Variants in NSD1 observed in about 807,000 individuals in gnomAD.
NSD1 encodes nuclear receptor binding SET domain protein 1, also known as histone-lysine N-methyltransferase, H3 lysine-36 specific.
In NSD1, 26 loss-of-function variants were observed where a neutral mutation model predicts 242.7. The ratio of observed to expected loss-of-function variants is 0.11; its 90% CI spans 0.08 to 0.15. The LOEUF (loss-of-function observed/expected upper bound fraction) is 0.15. Ranked by LOEUF, NSD1 falls within the 10% of genes least tolerant of loss-of-function variation. The pLI is 1.00. For missense variants in NSD1, 2,495 were observed against 3,272.8 expected, an observed-to-expected ratio of 0.76 and a Z score of 5.80; for synonymous variants, 1,106 against 1,178.1, an observed-to-expected ratio of 0.94 and a Z score of 1.25.
chr5:177,193,765 T>G (rs572256717), intron 3 of NSD1, among the ~76,000 whole-genome samples: 26 of 152,176 alleles, frequency 1.7e-4, no homozygotes, highest in African/African-American at 5.5e-4. Context: ...GATATTAATT[T>G]TTGTTGTTGT....
chr5:177,240,793 G>T, intron 8 of NSD1, among the ~76,000 whole-genome samples: 1 of 152,168 alleles, frequency 6.6e-6, no homozygotes, highest in South Asian at 2.1e-4. Context: ...GATTGCTTAA[G>T]CTCAGGAGCT....
Position 177,239,754 on chromosome 5 carries a change from A to G in NSD1, c.4193-2A>G. Reference sequence around the variant, plus strand: ...TCTAATGTAAAGATACATGCATTTCAGGAAATTATGAAAGTAAACGTCAAA... The same window carrying G: ...TCTAATGTAAAGATACATGCATTTCGGGAAATTATGAAAGTAAACGTCAAA... On this transcript the variant is annotated splice_acceptor_variant, in intron 7 of 22. Coordinates refer to ENST00000439151, the MANE Select transcript of NSD1 (RefSeq NM_022455.5). LOFTEE classifies it high-confidence loss of function. 6.4e-7 allele frequency: 1 copy of G among 1,566,732 alleles called. No individual in the cohort carries two copies. Among genetic ancestry groups the G allele is most frequent in the Non-Finnish European group, 8.8e-7 (1 of 1,137,470 alleles).
chr5:177,283,837 T>C lies in NSD1; in HGVS notation c.6060T>C (p.Asn2020=). ...GPKGNYARFM[N]HCCQPNCETQ... is the part of the protein sequence containing the mutation. ...AAGGAAACTATGCTCGGTTCATGAA[T>C]CATTGCTGCCAGCCCAACTGTGAAA... Residue 2020 remains asparagine, a synonymous_variant, in exon 20 of 23, where the codon AAT becomes AAC. Coordinates refer to ENST00000439151, the MANE Select transcript of NSD1 (RefSeq NM_022455.5). 1.9e-6 allele frequency: 3 copies of C among 1,614,192 alleles called. No homozygotes were observed. The highest frequency in any genetic ancestry group is 1.7e-6 in the Non-Finnish European group (2 of 1,180,022).
chr5:177,209,807 C>G lies in NSD1; in HGVS notation c.1408C>G (p.Leu470Val), dbSNP rs772662450. The stretch of plus-strand genomic sequence containing the variant: ...AAATGATCCTGAGTCAGAACATGAC[C>G]TGTTGCTTAATGGCTGTTTGAAATC... ...CTNDPESEHDLLLNGCLKSLA... is the reference protein window; with the variant it reads ...CTNDPESEHDVLLNGCLKSLA... Residue 470 changes from leucine to valine, a missense_variant, in exon 5 of 23, where the codon CTG becomes GTG. Leu to Val is a conservative substitution (Grantham distance 32). This residue lies in a region of NSD1 where 515 missense variants were observed against 467.0 expected (regional missense o/e 1.10). Transcript: ENST00000439151. The G allele has an allele frequency of 2.5e-6, 4 of 1,614,120 alleles. No homozygotes were observed. In the South Asian group the frequency reaches 4.4e-5, roughly 18 times the overall value.
In NSD1 at chr5:177,269,602, G is replaced by A; in HGVS notation, c.5304G>A (p.Arg1768=). Residue 1768 remains arginine (R), a splice_region_variant and synonymous_variant, in exon 16 of 23, where the codon AGG becomes AGA. Transcript: ENST00000439151. The surrounding 1 kb of genome is among the most constrained non-coding windows in gnomAD (Gnocchi z 5.1). ...TCCTTCTCCTTTTCACCTTTCCCAG[G>A]TGGTGGCCAGCTGAGATCTGCCATC... The part of the protein sequence containing the change: ...EIVWVKVGRY[R]WWPAEICHPR... 6.2e-7 allele frequency: 1 copy of A among 1,613,982 alleles called. No homozygotes were observed. The highest frequency in any genetic ancestry group is 8.5e-7 in the Non-Finnish European group (1 of 1,179,968).
chr5:177,216,386 CT>C (rs1360024924), intron 5 of NSD1, among the ~76,000 whole-genome samples: 5 of 151,578 alleles, frequency 3.3e-5, no homozygotes, highest in Non-Finnish European at 7.4e-5. Flanking sequence ...TGCTTTGGGT[CT>C]CATAGCCAGG....
chr5:177,212,038 A>G lies in NSD1; in HGVS notation c.3639A>G (p.Ile1213Met), dbSNP rs1425698482. 7 of 1,614,100 alleles carry G rather than the reference A, an allele frequency of 4.3e-6. No individual in the cohort carries two copies. The South Asian group carries it at 4.4e-5, about 10-fold the overall frequency. ...FPEHRTPSASILEEPLTEQNH... is the reference protein window; with the variant it reads ...FPEHRTPSASMLEEPLTEQNH... ...AGCATAGAACTCCTTCAGCAAGCAT[A>G]CTTGAGGAACCACTGACAGAGCAAA... The change falls in exon 5 of 23, where the codon ATA (isoleucine) becomes ATG (methionine). Residue 1213 changes from isoleucine (I) to methionine (M), a missense_variant. By Grantham distance (10) the Ile-to-Met change is conservative. Coordinates refer to ENST00000439151, the MANE Select transcript of NSD1 (RefSeq NM_022455.5).
chr5:177,172,738 G>A (rs1581200021), intron 2 of NSD1, among the ~76,000 whole-genome samples: 1 of 152,044 alleles, frequency 6.6e-6, no homozygotes, highest in East Asian at 1.9e-4. Context: ...GTGGGAGGAT[G>A]GCTTGGGCCC....
intron 5 of NSD1, among the ~76,000 whole-genome samples, chr5:177,225,019 G>A (rs1764528661): frequency 1.3e-5 from 2 of 152,120 alleles, no homozygotes; most frequent in African/African-American, 4.8e-5. Flanking sequence ...GTCATGTTGT[G>A]TAATGTTGTT....
chr5:177,293,750 C>T (rs1203800729), intron 22 of NSD1, 82 bp from the exon 23 acceptor site: 2 of 1,497,352 alleles, frequency 1.3e-6, no homozygotes, highest in East Asian at 4.5e-5. Flanking sequence ...ATCATCCACA[C>T]CTTCGGACTG....
intron 17 of NSD1, among the ~76,000 whole-genome samples, chr5:177,276,047 G>A (rs1277376772): frequency 1.3e-5 from 2 of 152,094 alleles, no homozygotes; most frequent in Admixed American, 1.3e-4. Context: ...TCCTGCCTCA[G>A]TCTCCTAAGT....
intron 9 of NSD1, among the ~76,000 whole-genome samples, chr5:177,246,127 T>C (rs1340373817): frequency 2.0e-5 from 3 of 151,998 alleles, no homozygotes; most frequent in East Asian, 3.9e-4. Flanking sequence ...TGCACCACCA[T>C]GCCTGGCTAA....
chr5:177,203,927 G>C (rs890208401), intron 3 of NSD1, among the ~76,000 whole-genome samples, 193 bp from the exon 4 acceptor site: 2 of 152,162 alleles, frequency 1.3e-5, no homozygotes, highest in African/African-American at 4.8e-5. Context: ...ATAACCTCCT[G>C]TGTATTTTCT....
At position 177,267,547 on chromosome 5, in the gene NSD1, T is replaced by A; in HGVS notation, c.5147-15T>A. ...AGTCTTGTGATCTGAATGCCACATT[T>A]TTTTATTCCCACAGGAGGCAGCCTT... On this transcript the variant is annotated splice_polypyrimidine_tract_variant and intron_variant, in intron 14 of 22. Transcript: ENST00000439151. The A allele has an allele frequency of 6.2e-7, 1 of 1,613,814 alleles. No homozygotes were observed. Among genetic ancestry groups the A allele is most frequent in the Non-Finnish European group, 8.5e-7 (1 of 1,179,772 alleles).
In NSD1 at chr5:177,214,050, G is replaced by A. The variant is rs962918911; in HGVS notation, c.3796+1855G>A. 4.0e-5 allele frequency among the ~76,000 whole-genome samples: 6 copies of A among 151,624 alleles called. No individual in the cohort carries two copies. The South Asian group carries it at 1.0e-3, about 26-fold the overall frequency. ...AGATTTACTCTTTAACGGTATTTAC[G>A]GCCAGGTGCGGTGGCTCACGCCTGT... On this transcript the variant is annotated intron_variant, in intron 5 of 22. Coordinates refer to ENST00000439151, the MANE Select transcript of NSD1 (RefSeq NM_022455.5).
intron 12 of NSD1, among the ~76,000 whole-genome samples, chr5:177,255,508 GCT>G (rs1756357700): frequency 6.6e-6 from 1 of 152,118 alleles, no homozygotes; most frequent in Admixed American, 6.6e-5. Context: ...TCAAGCTTAG[GCT>G]CTTTTTCTTA....
chr5:177,217,972 G>C (rs948048765), intron 5 of NSD1, among the ~76,000 whole-genome samples: 9 of 152,134 alleles, frequency 5.9e-5, no homozygotes, highest in African/African-American at 2.2e-4. Context: ...TTGGAGTGCA[G>C]TGGTGATATG....
chr5:177,221,269 C>G (rs1277416905), intron 5 of NSD1, among the ~76,000 whole-genome samples: 1 of 150,932 alleles, frequency 6.6e-6, no homozygotes, highest in Non-Finnish European at 1.5e-5. Flanking sequence ...TTTTGTCCCC[C>G]TTTTGCTGTC....
chr5:177,185,604 C>CA (rs1187414617), intron 2 of NSD1, among the ~76,000 whole-genome samples: 3 of 143,438 alleles, frequency 2.1e-5, no homozygotes, highest in East Asian at 2.0e-4. Context: ...CTCAAAAAAA[C>CA]AAAACCAAAT....
Sources: allele counts gnomAD v4.1 joint callset (sites outside exome capture counted in the v4.1 genomes callset), GRCh38; gene constraint gnomAD v4.1.1; regional missense constraint gnomAD v4.1.1; non-coding constraint Gnocchi (gnomAD v3.1); transcripts MANE v1.5; gene names NCBI Gene and HGNC (gene_info 2026-07-23, HGNC 2026-07-21).